CCDC158: variants seen among roughly 807,000 people sequenced by gnomAD.
The protein encoded by CCDC158 is coiled-coil domain containing 158, also known as coiled-coil domain-containing protein 158.
In CCDC158, 116 loss-of-function variants were observed where a neutral mutation model predicts 138.6. The observed-to-expected ratio is 0.84, with a 90% confidence interval of 0.72 to 0.98. CCDC158 has a LOEUF of 0.98. Ranked by LOEUF, CCDC158 falls within the 50% of genes least tolerant of loss-of-function variation. CCDC158 has a pLI of 0.00. For missense variants in CCDC158, 1,265 were observed against 1,306.1 expected, an observed-to-expected ratio of 0.97 and a Z score of 0.48; for synonymous variants, 436 against 442.4, an observed-to-expected ratio of 0.99 and a Z score of 0.18.
chr4:76,400,216 A>G (rs1050856279), intron 3 of CCDC158, among the ~76,000 whole-genome samples: 12 of 152,104 alleles, frequency 7.9e-5, no homozygotes, highest in Non-Finnish European at 1.6e-4. Context: ...ATGGAATACT[A>G]TGCAGCCATA....
chr4:76,391,455 G>T (rs2109810707), intron 4 of CCDC158, among the ~76,000 whole-genome samples: 2 of 151,886 alleles, frequency 1.3e-5, no homozygotes, highest in Middle Eastern at 6.8e-3. Context: ...AATTAAGAAG[G>T]ACATTTAAAA....
chr4:76,399,565 T>TACTC (rs1198778692), intron 3 of CCDC158, among the ~76,000 whole-genome samples: 1 of 152,182 alleles, frequency 6.6e-6, no homozygotes, highest in Non-Finnish European at 1.5e-5. Flanking sequence ...TTCACTGGAA[T>TACTC]ACTGGGAGCA....
intron 24 of CCDC158, among the ~76,000 whole-genome samples, chr4:76,315,288 C>A (rs1719271383): frequency 6.6e-6 from 1 of 152,190 alleles, no homozygotes; most frequent in African/African-American, 2.4e-5. Flanking sequence ...TGAGCTCAGA[C>A]CCACCTAACT....
Position 76,363,247 on chromosome 4 carries a change from G to A in CCDC158, c.1831-932C>T, listed in dbSNP as rs148825144. The stretch of plus-strand genomic sequence containing the variant: ...CTTTAATGAGCTTCTCTGGTTAGCA[G>A]CACTTGACAGATGTTGTCACGGTGT... On this transcript the variant is annotated intron_variant, in intron 12 of 24. Coordinates refer to ENST00000682701, the MANE Select transcript of CCDC158 (RefSeq NM_001394954.1). Among the ~76,000 whole-genome samples, 679 of 152,298 alleles carry A rather than the reference G, an allele frequency of 4.5e-3. 3 individuals are homozygous for A. The highest frequency in any genetic ancestry group is 0.015 in the African/African-American group (618 of 41,552).
rs1395764684 is a variant in CCDC158, at chr4:76,383,956, G to A, written c.726+132C>T. The A allele has an allele frequency of 1.7e-5, 13 of 757,534 alleles. No individual in the cohort carries two copies. The East Asian group carries it at 3.0e-4, about 17-fold the overall frequency. 46.9% of individuals were successfully genotyped at this position (757,534 alleles called of 1,614,324 possible). ...AGTTCCTATTATGAGAGATTACTGTGGAAGTAACTTCTGTTATTTCAGAAA... is the reference window on the plus strand; with the variant it reads ...AGTTCCTATTATGAGAGATTACTGTAGAAGTAACTTCTGTTATTTCAGAAA... On this transcript the variant is annotated intron_variant, in intron 6 of 24. Coordinates refer to ENST00000682701, the MANE Select transcript of CCDC158 (RefSeq NM_001394954.1).
chr4:76,400,238 G>A (rs1333387255), intron 3 of CCDC158, among the ~76,000 whole-genome samples: 5 of 152,064 alleles, frequency 3.3e-5, no homozygotes, highest in Admixed American at 3.3e-4. Context: ...AAAAGGATGA[G>A]TTCATGTCTT....
chr4:76,404,292 T>C (rs1728643315), intron 2 of CCDC158, among the ~76,000 whole-genome samples: 1 of 152,056 alleles, frequency 6.6e-6, no homozygotes, highest in Non-Finnish European at 1.5e-5. Flanking sequence ...ACAAAATGAA[T>C]AGGAATAGAT....
In CCDC158 at chr4:76,367,488, C is replaced by A; in HGVS notation, c.1636G>T (p.Val546Leu). Residue 546 changes from valine (V) to leucine (L), a missense_variant, in exon 12 of 25, where the codon GTG becomes TTG. Val to Leu is a conservative substitution (Grantham distance 32). Coordinates refer to ENST00000682701, the MANE Select transcript of CCDC158 (RefSeq NM_001394954.1). Reference protein sequence around the residue: ...LKNEGDHLRNVQTECEALKLQ... With the variant: ...LKNEGDHLRNLQTECEALKLQ... The stretch of plus-strand genomic sequence containing the variant: ...TTGAGGGCCTCACATTCTGTCTGCA[C>A]ATTTCTGAGATGATCCCCTTCATTT... 1 of 1,614,236 alleles carries A rather than the reference C, an allele frequency of 6.2e-7. No homozygotes were observed.
intron 24 of CCDC158, among the ~76,000 whole-genome samples, chr4:76,319,914 T>C (rs1437541340): frequency 6.6e-6 from 1 of 152,120 alleles, no homozygotes; most frequent in East Asian, 1.9e-4. Context: ...CCACTGCTAT[T>C]CAACATTGTA....
chr4:76,393,377 T>G (rs765681794), intron 4 of CCDC158, among the ~76,000 whole-genome samples: 1 of 151,998 alleles, frequency 6.6e-6, no homozygotes, highest in African/African-American at 2.4e-5. Flanking sequence ...GAACATATAT[T>G]AGGGAAAAGA....
At chr4:76,343,692 T>A (rs1278348820) in intron 18 of CCDC158, among the ~76,000 whole-genome samples, 1 of 152,012 alleles carries the variant, frequency 6.6e-6, no homozygotes, top group African/African-American at 2.4e-5. Context: ...TCCCAGCTAC[T>A]CAGGAGACTG....
At chr4:76,369,336 G>A (rs753841384) in intron 11 of CCDC158, 90 bp downstream of exon 11, 3 of 1,290,636 alleles carry the variant, frequency 2.3e-6, no homozygotes, top group Non-Finnish European at 3.1e-6. Context: ...GTCCATATAT[G>A]TTAAAAATAA....
chr4:76,333,566 C>A (rs2110107877), intron 19 of CCDC158, among the ~76,000 whole-genome samples: 1 of 152,240 alleles, frequency 6.6e-6, no homozygotes, highest in South Asian at 2.1e-4. Context: ...GAAGTATTTC[C>A]TATTATCTCC....
At chr4:76,397,584 T>C in intron 3 of CCDC158, among the ~76,000 whole-genome samples, 1 of 152,188 alleles carries the variant, frequency 6.6e-6, no homozygotes, top group South Asian at 2.1e-4. Flanking sequence ...TTGGTAGTAT[T>C]GTTATAATTC....
chr4:76,414,526 T>C (rs1245854903), intron 1 of CCDC158, among the ~76,000 whole-genome samples: 1 of 152,218 alleles, frequency 6.6e-6, no homozygotes. Flanking sequence ...TAAAGAGAGA[T>C]GGAGTTGAGA....
At chr4:76,350,288 T>C (rs141242520) in intron 18 of CCDC158, among the ~76,000 whole-genome samples, 3 of 152,318 alleles carry the variant, frequency 2.0e-5, no homozygotes, top group African/African-American at 4.8e-5. Context: ...ATTTTAGTCA[T>C]TTAAACAGTA....
chr4:76,398,513 A>T (rs1246903213), intron 3 of CCDC158, among the ~76,000 whole-genome samples: 1 of 151,966 alleles, frequency 6.6e-6, no homozygotes, highest in East Asian at 1.9e-4. Context: ...CTGAAAATAC[A>T]AAAAATTAGC....
intron 24 of CCDC158, among the ~76,000 whole-genome samples, chr4:76,313,618 G>T (rs1449621877): frequency 6.6e-6 from 1 of 152,104 alleles, no homozygotes; most frequent in Non-Finnish European, 1.5e-5. Flanking sequence ...CATGATAATT[G>T]TAAAAGTAAT....
Position 76,331,368 on chromosome 4 carries a change from C to G in CCDC158, c.2918G>C (p.Ser973Thr), listed in dbSNP as rs376541300. The change falls in exon 21 of 25, where the codon AGC (serine) becomes ACC (threonine). Residue 973 changes from serine to threonine, a missense_variant. Ser to Thr is a moderately conservative substitution (Grantham distance 58). Transcript: ENST00000682701. ...NNSLRDSTEG[S>T]KSSETLSREP... ...CCTACTAAGAGTTTCACTTGATTTG[C>G]TTCCTTCAGTGGAGTCCCTCAACGA... 3.1e-6 allele frequency: 5 copies of G among 1,613,842 alleles called. No homozygotes were observed. The highest frequency in any genetic ancestry group is 4.2e-6 in the Non-Finnish European group (5 of 1,179,878).
Sources: allele counts gnomAD v4.1 joint callset (sites outside exome capture counted in the v4.1 genomes callset), GRCh38; gene constraint gnomAD v4.1.1; transcripts MANE v1.5; gene names NCBI Gene and HGNC (gene_info 2026-07-23, HGNC 2026-07-21).